Variants in CDK11A observed in about 807,000 individuals in gnomAD.
CDK11A encodes the protein cyclin dependent kinase 11A.
A neutral mutation model predicts 83.6 loss-of-function variants in CDK11A; 55 were observed. That is an observed-to-expected ratio of 0.66 (90% confidence interval 0.53 to 0.82). The LOEUF (loss-of-function observed/expected upper bound fraction) is 0.82, where lower values mean the gene tolerates loss of function less well. Among genes scored for constraint, CDK11A ranks in the 40% least tolerant of loss-of-function variants. The pLI, the probability that CDK11A is intolerant of heterozygous loss-of-function variation, is 0.00. For synonymous variants in CDK11A, 247 were observed against 302.7 expected, an observed-to-expected ratio of 0.82 and a Z score of 1.91; for missense variants, 564 against 810.1, an observed-to-expected ratio of 0.70 and a Z score of 3.69.
At position 1,708,248 on chromosome 1, in the gene CDK11A, G is replaced by A. The variant is rs56409248; in HGVS notation, c.1004-3C>T. The A allele has an allele frequency of 0.074, 110,588 of 1,494,914 alleles. 7,173 individuals are homozygous for A. The highest frequency in any genetic ancestry group is 0.37 in the African/African-American group (24,533 of 65,622). 92.6% of individuals were successfully genotyped at this position (1,494,914 alleles called of 1,614,324 possible). A position where few individuals can be genotyped will look rare whatever the true frequency, so the allele number is the denominator to read the frequency against. The stretch of plus-strand genomic sequence containing the variant: ...CATTTCTTCCTCACTTACTTCTTCT[G>A]CAAGAGAAAGGAGGCGTCTGCTCAG... On this transcript the variant is annotated splice_region_variant and splice_polypyrimidine_tract_variant and intron_variant, in intron 9 of 19. Coordinates refer to ENST00000404249, the MANE Select transcript of CDK11A (RefSeq NM_024011.4).
At chr1:1,703,656 C>T in intron 17 of CDK11A, 32 bp from the exon 18 acceptor site, 1 of 1,580,586 alleles carries the variant, frequency 6.3e-7, no homozygotes, top group Non-Finnish European at 8.6e-7. Flanking sequence ...ACAGCCACAC[C>T]AAGTGGCCCA....
chr1:1,703,468 G>A lies in CDK11A; in HGVS notation c.2060+8C>T, dbSNP rs1644163339. ...GGACCTCCCGCCACCCGGCTGCACTGGGCTCACTTGTTCATGAGGTCGAAG... is the reference window on the plus strand; with the variant it reads ...GGACCTCCCGCCACCCGGCTGCACTAGGCTCACTTGTTCATGAGGTCGAAG... On this transcript the variant is annotated splice_region_variant and intron_variant, in intron 18 of 19. Coordinates refer to ENST00000404249, the MANE Select transcript of CDK11A (RefSeq NM_024011.4). 1 of 1,504,614 alleles carries A rather than the reference G, an allele frequency of 6.6e-7. No individual in the cohort carries two copies. Among genetic ancestry groups the A allele is most frequent in the Non-Finnish European group, 8.8e-7 (1 of 1,136,820 alleles). The allele number at this position is 1,504,614 out of a possible 1,614,324, so 93.2% of individuals were successfully genotyped here.
At chr1:1,721,518 G>A in intron 3 of CDK11A, 78 bp downstream of exon 3, 4 of 1,497,248 alleles carry the variant, frequency 2.7e-6, no homozygotes, top group South Asian at 2.4e-5. Flanking sequence ...GCACACAGTT[G>A]TCACAGTGAC....
rs759269705 is a variant in CDK11A, at chr1:1,719,460, AAT to A, written c.228-7_228-6del. The stretch of plus-strand genomic sequence containing the variant: ...AAAGAATCATCTTCTTCTCCTCTGA[AAT>A]AAAACACAACAGCACTGCGTCATGC... On this transcript the variant is annotated splice_polypyrimidine_tract_variant and splice_region_variant and intron_variant, in intron 3 of 19. Transcript: ENST00000404249. 8 of 1,490,318 alleles carry A rather than the reference AAT, an allele frequency of 5.4e-6. 1 individual carries two copies. The South Asian group carries it at 1.1e-4, about 21-fold the overall frequency. 92.3% of individuals were successfully genotyped at this position (1,490,318 alleles called of 1,614,324 possible). A position where few individuals can be genotyped will look rare whatever the true frequency, so the allele number is the denominator to read the frequency against.
chr1:1,720,163 C>T lies in CDK11A; in HGVS notation c.228-708G>A, dbSNP rs943733345. Among the ~76,000 whole-genome samples, 11 of 149,216 alleles carry T rather than the reference C, an allele frequency of 7.4e-5. 1 individual carries two copies. The highest frequency in any genetic ancestry group is 4.7e-4 in the Admixed American group (7 of 14,906). ...GGCTGGAGGGCAGTGGCGAGACTCT[C>T]GGCTCACTACAAGCTCTACCTCCTG... On this transcript the variant is annotated intron_variant, in intron 3 of 19. Transcript: ENST00000404249.
Position 1,704,411 on chromosome 1 carries a change from C to T in CDK11A, c.1565-67G>A, listed in dbSNP as rs1456641288. On this transcript the variant is annotated intron_variant, in intron 14 of 19. Coordinates refer to ENST00000404249, the MANE Select transcript of CDK11A (RefSeq NM_024011.4). Reference sequence around the variant, plus strand: ...AGCCCAGGGCACTCAGGGTGGCCCGCTCGCCTCGGCAGCAACAGAGGCTTC... The same window carrying T: ...AGCCCAGGGCACTCAGGGTGGCCCGTTCGCCTCGGCAGCAACAGAGGCTTC... 6.3e-6 allele frequency: 10 copies of T among 1,584,748 alleles called. No individual in the cohort carries two copies. The East Asian group carries it at 1.8e-4, about 29-fold the overall frequency.
chr1:1,704,279 G>A lies in CDK11A; in HGVS notation c.1630C>T (p.Leu544=). Residue 544 remains leucine (L), a synonymous_variant, in exon 15 of 20, where the codon CTG becomes TTG. Coordinates refer to ENST00000404249, the MANE Select transcript of CDK11A (RefSeq NM_024011.4). ...TTGGACGTCTTGAGGTCACGGTGCAGGATCCAGTTGTCGTGCAGGTGTTTC... is the reference window on the plus strand; with the variant it reads ...TTGGACGTCTTGAGGTCACGGTGCAAGATCCAGTTGTCGTGCAGGTGTTTC... The part of the protein sequence containing the change: ...GVKHLHDNWI[L]HRDLKTSNLL... 1 of 1,608,008 alleles carries A rather than the reference G, an allele frequency of 6.2e-7. No homozygotes were observed. The highest frequency in any genetic ancestry group is 8.5e-7 in the Non-Finnish European group (1 of 1,176,322).
chr1:1,716,516 T>C (rs202222725), intron 4 of CDK11A, 38 bp from the exon 5 acceptor site: 1 of 1,595,666 alleles, frequency 6.3e-7, no homozygotes, highest in African/African-American at 1.3e-5. Flanking sequence ...GAAACCTCAC[T>C]TCAAAAATTT....
At position 1,719,312 on chromosome 1, in the gene CDK11A, G is replaced by A. The variant is rs1287458861; in HGVS notation, c.355+16C>T. On this transcript the variant is annotated intron_variant, in intron 4 of 19. Coordinates refer to ENST00000404249, the MANE Select transcript of CDK11A (RefSeq NM_024011.4). ...ACACTTGAACATGATGTCAAAGAAAGTAAATGCTTCTGTACCCCCTTCTGC... is the reference window on the plus strand; with the variant it reads ...ACACTTGAACATGATGTCAAAGAAAATAAATGCTTCTGTACCCCCTTCTGC... 1.3e-6 allele frequency: 2 copies of A among 1,499,974 alleles called. No homozygotes were observed. The highest frequency in any genetic ancestry group is 5.3e-5 in the Admixed American group (2 of 38,074). The allele number at this position is 1,499,974 out of a possible 1,614,324, so 92.9% of individuals were successfully genotyped here.
At chr1:1,704,375 C>G in intron 14 of CDK11A, 31 bp from the exon 15 acceptor site, 1 of 1,605,228 alleles carries the variant, frequency 6.2e-7, no homozygotes, top group Non-Finnish European at 8.5e-7. Context: ...CATGTGGACC[C>G]GGCCGCCCCA....
At chr1:1,723,268 C>A in intron 1 of CDK11A, among the ~76,000 whole-genome samples, 1 of 77,632 alleles carries the variant, frequency 1.3e-5, no homozygotes, top group Admixed American at 1.7e-4. Context: ...AAGCTCTAGG[C>A]TGAGGCGGGT....
At chr1:1,703,365 C>T (rs1298328505) in intron 18 of CDK11A, 96 bp from the exon 19 acceptor site, 20 of 935,514 alleles carry the variant, frequency 2.1e-5, no homozygotes, top group East Asian at 8.5e-5. Flanking sequence ...GGGCATGGGA[C>T]GCCAGGCACC....
At chr1:1,708,470 G>C (rs1167383281) in intron 9 of CDK11A, among the ~76,000 whole-genome samples, 1 of 141,246 alleles carries the variant, frequency 7.1e-6, no homozygotes, top group South Asian at 2.3e-4. Context: ...GTGAAACCCC[G>C]TCTCGACTAA....
At chr1:1,721,936 G>C in intron 2 of CDK11A, 1 of 461,458 alleles carries the variant, frequency 2.2e-6, no homozygotes, top group South Asian at 2.3e-5. Flanking sequence ...TGGATCACGA[G>C]GTCAGGACAT....
chr1:1,712,563 T>G, intron 5 of CDK11A, 163 bp from the exon 6 acceptor site: 1 of 601,096 alleles, frequency 1.7e-6, no homozygotes, highest in South Asian at 1.8e-5. Context: ...TCCCCCAGGC[T>G]GGAGTGCGGT....
intron 2 of CDK11A, 178 bp from the exon 3 acceptor site, chr1:1,721,889 G>C: frequency 5.4e-6 from 4 of 734,730 alleles, no homozygotes; most frequent in Non-Finnish European, 7.7e-6. Context: ...AGTGGCTCAC[G>C]CTTGTTAATC....
In CDK11A at chr1:1,715,858, T is replaced by C. The variant is rs1054460399; in HGVS notation, c.488+488A>G. 3.5e-4 allele frequency among the ~76,000 whole-genome samples: 53 copies of C among 150,794 alleles called. 2 individuals carry two copies. The highest frequency in any genetic ancestry group is 1.1e-3 in the African/African-American group (47 of 41,046). On this transcript the variant is annotated intron_variant, in intron 5 of 19. Transcript: ENST00000404249. ...TCTGGCTCATAAAGGGGAACGAATA[T>C]ACAGACTAATGGCCAGGAGTCCTAG... is the stretch of plus-strand genomic sequence containing the variant.
intron 11 of CDK11A, among the ~76,000 whole-genome samples, chr1:1,706,972 G>C (rs1384650303): frequency 2.1e-5 from 3 of 142,240 alleles, no homozygotes; most frequent in Non-Finnish European, 4.5e-5. Context: ...TGAGCAAAAG[G>C]CTTCTGGTCA....
rs768072453 is a variant in CDK11A at position 1,703,541 on chromosome 1, G to A, written c.1995C>T (p.Pro665=). ...VVKKMTFSEH[P]YNNLRKRFGA... ...CGAAGCGCTTGCGGAGGTTGTTGTAGGGGTGCTCGCTGAAGGTCATCTTTT... is the reference window on the plus strand; with the variant it reads ...CGAAGCGCTTGCGGAGGTTGTTGTAAGGGTGCTCGCTGAAGGTCATCTTTT... The change falls in exon 18 of 20, where the codon CCC becomes CCT. Residue 665 remains proline, a synonymous_variant. Coordinates refer to ENST00000404249, the MANE Select transcript of CDK11A (RefSeq NM_024011.4). 1.9e-6 allele frequency: 3 copies of A among 1,565,428 alleles called. No individual in the cohort carries two copies. The highest frequency in any genetic ancestry group is 1.8e-5 in the Admixed American group (1 of 56,358).
Sources: allele counts gnomAD v4.1 joint callset (sites outside exome capture counted in the v4.1 genomes callset), GRCh38; gene constraint gnomAD v4.1.1; transcripts MANE v1.5; gene names NCBI Gene and HGNC (gene_info 2026-07-23, HGNC 2026-07-21).